Variants in PHACTR1 observed in about 807,000 individuals in gnomAD.
The protein encoded by PHACTR1 is phosphatase and actin regulator 1.
A neutral mutation model predicts 69.2 loss-of-function variants in PHACTR1; 16 were observed. The observed-to-expected ratio is 0.23, with a 90% CI of 0.16 to 0.35. The LOEUF (loss-of-function observed/expected upper bound fraction) is 0.35, where lower values mean the gene tolerates loss of function less well. PHACTR1 is among the 10% of genes least tolerant of loss of function. The pLI is 1.00. For synonymous variants in PHACTR1, 312 were observed against 284.5 expected (o/e 1.10, Z -0.97); for missense variants, 510 against 734.7 (o/e 0.69, Z 3.54).
chr6:13,124,115 A>G (rs2127951493), intron 5 of PHACTR1, among the ~76,000 whole-genome samples: 1 of 152,284 alleles, frequency 6.6e-6, no homozygotes, highest in East Asian at 1.9e-4. Context: ...GGGAGTATGA[A>G]CTGCAGAGAG....
chr6:13,170,808 C>A (rs1167166269), intron 6 of PHACTR1, among the ~76,000 whole-genome samples: 1 of 152,184 alleles, frequency 6.6e-6, no homozygotes, highest in Non-Finnish European at 1.5e-5. Flanking sequence ...GGACCCTAGA[C>A]TGCTGCCGCC....
At chr6:13,044,715 C>G (rs1804749217) in intron 4 of PHACTR1, among the ~76,000 whole-genome samples, 1 of 152,184 alleles carries the variant, frequency 6.6e-6, no homozygotes, top group Non-Finnish European at 1.5e-5. Context: ...CGGATCTGGA[C>G]CCACATCCTC....
chr6:13,091,512 T>G (rs2127829378), intron 5 of PHACTR1, among the ~76,000 whole-genome samples: 1 of 152,310 alleles, frequency 6.6e-6, no homozygotes, highest in Non-Finnish European at 1.5e-5. Context: ...ACCAGTTGTG[T>G]GGAAGACAAT....
In PHACTR1 at chr6:13,205,964, G is replaced by C; in HGVS notation, c.814G>C (p.Ala272Pro). The C allele has an allele frequency of 6.2e-7, 1 of 1,614,006 alleles. No individual in the cohort carries two copies. The highest frequency in any genetic ancestry group is 8.5e-7 in the Non-Finnish European group (1 of 1,179,894). ...TAQKSGQQGV[A>P]QHHHTVLPSQ... is the part of the protein sequence containing the mutation. ...CCAGAAGAGTGGCCAGCAGGGTGTG[G>C]CCCAGCACCACCACACTGTCCTGCC... The change falls in exon 8 of 15, where the codon GCC becomes CCC. Residue 272 changes from alanine (A) to proline (P), a missense_variant. Coordinates refer to ENST00000332995, the MANE Select transcript of PHACTR1 (RefSeq NM_030948.6).
intron 5 of PHACTR1, among the ~76,000 whole-genome samples, chr6:13,145,186 A>G (rs964844119): frequency 6.6e-6 from 1 of 152,202 alleles, no homozygotes; most frequent in African/African-American, 2.4e-5. Context: ...AAATCTGCAC[A>G]TTTCTTCCCT....
intron 4 of PHACTR1, among the ~76,000 whole-genome samples, chr6:12,952,891 A>G (rs9473070): frequency 0.086 from 13,054 of 152,234 alleles, 1,298 homozygotes; most frequent in African/African-American, 0.24. Flanking sequence ...TCCATTTTTT[A>G]AAGCACCAAT....
Position 13,016,706 on chromosome 6 carries a change from T to C in PHACTR1, c.251-36659T>C, listed in dbSNP as rs200029843. On this transcript the variant is annotated intron_variant, in intron 4 of 14. Coordinates refer to ENST00000332995, the MANE Select transcript of PHACTR1 (RefSeq NM_030948.6). ...GCTAAACTTATTTTAAGTAATTCTG[T>C]ATTGTTAAGAAACCATAGAACACAA... is the stretch of plus-strand genomic sequence containing the variant. Among the ~76,000 whole-genome samples the C allele has an allele frequency of 5.9e-5, 9 of 152,288 alleles. No individual in the cohort carries two copies. The East Asian group carries it at 1.7e-3, about 29-fold the overall frequency.
chr6:13,186,000 C>T (rs1397433955), intron 7 of PHACTR1, among the ~76,000 whole-genome samples: 1 of 152,172 alleles, frequency 6.6e-6, no homozygotes, highest in South Asian at 2.1e-4. Flanking sequence ...GTTTCCAGAG[C>T]AGGCTGTCTT....
At chr6:13,074,796 T>C (rs548102381) in intron 5 of PHACTR1, among the ~76,000 whole-genome samples, 1 of 152,262 alleles carries the variant, frequency 6.6e-6, no homozygotes, top group African/African-American at 2.4e-5. Context: ...TACCAGTAAG[T>C]CATAGAAAAG....
At chr6:13,130,237 C>T (rs943759081) in intron 5 of PHACTR1, among the ~76,000 whole-genome samples, 26 of 151,756 alleles carry the variant, frequency 1.7e-4, no homozygotes, top group African/African-American at 5.8e-4. Flanking sequence ...CCACAAGGAA[C>T]TAGAAAAACA....
intron 6 of PHACTR1, among the ~76,000 whole-genome samples, chr6:13,162,261 G>A (rs1176308358): frequency 7.1e-6 from 1 of 141,088 alleles, no homozygotes; most frequent in Non-Finnish European, 1.5e-5. Context: ...CACCATGCAC[G>A]GCTACTTTTG....
rs527969964 is a variant in PHACTR1, at chr6:13,179,051, C to T, written c.497-3468C>T. On this transcript the variant is annotated intron_variant, in intron 6 of 14. Transcript: ENST00000332995. This position sits in a 1 kb window ranked among gnomAD's most constrained non-coding sequence, Gnocchi z 4.2. ...AGGAGTTCCACATGAGGCTGGGCAA[C>T]ATGGCAAAACCCTGTCTCTACAAAA... 6.6e-6 allele frequency among the ~76,000 whole-genome samples: 1 copy of T among 152,224 alleles called. No individual in the cohort carries two copies. Among genetic ancestry groups the T allele is most frequent in the African/African-American group, 2.4e-5 (1 of 41,526 alleles).
chr6:13,127,679 G>A (rs751341650), intron 5 of PHACTR1, among the ~76,000 whole-genome samples: 1 of 152,138 alleles, frequency 6.6e-6, no homozygotes, highest in Non-Finnish European at 1.5e-5. Flanking sequence ...GCATATTTTG[G>A]GGGTGGTATG....
intron 4 of PHACTR1, among the ~76,000 whole-genome samples, chr6:13,029,131 T>C (rs1451034396): frequency 6.6e-6 from 1 of 152,210 alleles, no homozygotes; most frequent in Non-Finnish European, 1.5e-5. Context: ...TTGAACTAGA[T>C]AGTATGCCTG....
chr6:13,070,954 T>C (rs1809418731), intron 5 of PHACTR1, among the ~76,000 whole-genome samples: 1 of 151,222 alleles, frequency 6.6e-6, no homozygotes. Flanking sequence ...ATTTGGAACT[T>C]GTTTGACTAA....
intron 4 of PHACTR1, among the ~76,000 whole-genome samples, chr6:12,992,745 T>C (rs777723844): frequency 6.6e-6 from 1 of 152,088 alleles, no homozygotes; most frequent in African/African-American, 2.4e-5. Flanking sequence ...AAAAGCTCTC[T>C]CTCCTACAGA....
intron 4 of PHACTR1, among the ~76,000 whole-genome samples, chr6:12,857,492 A>G (rs974474238): frequency 6.6e-6 from 1 of 152,098 alleles, no homozygotes. Flanking sequence ...ATTCCCAGCT[A>G]CTAGGGAGGC....
At position 13,033,596 on chromosome 6, in the gene PHACTR1, G is replaced by A. The variant is rs141492713; in HGVS notation, c.251-19769G>A. On this transcript the variant is annotated intron_variant, in intron 4 of 14. Transcript: ENST00000332995. ...TGTATAATGCTGTTTATTTCAAGCC[G>A]TTTATCCTAGCTGGTCAGCCTGAGA... Among the ~76,000 whole-genome samples, 41 of 152,296 alleles carry A rather than the reference G, an allele frequency of 2.7e-4. No homozygotes were observed. In the East Asian group the frequency reaches 7.7e-3, roughly 29 times the overall value.
chr6:13,145,256 C>G (rs1342768160), intron 5 of PHACTR1, among the ~76,000 whole-genome samples: 1 of 152,170 alleles, frequency 6.6e-6, no homozygotes, highest in Non-Finnish European at 1.5e-5. Context: ...ATTTGCCTTC[C>G]TAAATATGGG....
Sources: gnomAD v4.1 joint callset for allele counts (sites outside exome capture counted in the v4.1 genomes callset) on GRCh38, gnomAD v4.1.1 for gene constraint, Gnocchi (gnomAD v3.1) non-coding constraint, MANE v1.5 for transcripts, NCBI Gene and HGNC (gene_info 2026-07-23, HGNC 2026-07-21) for gene names.